GAS2: variants seen among roughly 807,000 people sequenced by gnomAD.
GAS2 encodes growth arrest-specific protein 2.
Under a neutral mutation model 37.5 loss-of-function variants are expected in GAS2, and 20 were observed. The observed-to-expected ratio is 0.53, with a 90% CI of 0.37 to 0.77. The LOEUF is 0.77. Among genes scored for constraint, GAS2 ranks in the 30% least tolerant of loss-of-function variants. The pLI is 0.00. For synonymous variants in GAS2, 144 were observed against 132.2 expected, an observed-to-expected ratio of 1.09 and a Z score of -0.61; for missense variants, 336 against 373.4, an observed-to-expected ratio of 0.90 and a Z score of 0.82.
At chr11:22,642,900 C>T (rs910008709) in intron 1 of GAS2, among the ~76,000 whole-genome samples, 4 of 152,068 alleles carry the variant, frequency 2.6e-5, no homozygotes, top group Admixed American at 2.0e-4. Context: ...GTTAAAACAG[C>T]GGCAAGACCA....
At chr11:22,763,488 G>A (rs963694782) in intron 7 of GAS2, among the ~76,000 whole-genome samples, 11 of 152,208 alleles carry the variant, frequency 7.2e-5, no homozygotes, top group Middle Eastern at 3.4e-3. Context: ...GCTGTTGTGT[G>A]AAAATGTAAA....
rs138309650 is a variant in GAS2, at chr11:22,705,405, T to C, written c.267+19616T>C. 1.6e-3 allele frequency among the ~76,000 whole-genome samples: 241 copies of C among 152,222 alleles called. 2 individuals are homozygous for C. Among genetic ancestry groups the C allele is most frequent in the African/African-American group, 5.0e-3 (209 of 41,532 alleles). On this transcript the variant is annotated intron_variant, in intron 3 of 7. Coordinates refer to ENST00000454584, the MANE Select transcript of GAS2 (RefSeq NM_001143830.3). Reference sequence around the variant, plus strand: ...TGAGGCCTTCCCTGACCAACCTATATAAAGTGCCTTTCAAGAATGCTTTTC... The same window carrying C: ...TGAGGCCTTCCCTGACCAACCTATACAAAGTGCCTTTCAAGAATGCTTTTC...
At chr11:22,768,594 C>T (rs1854817272) in intron 7 of GAS2, among the ~76,000 whole-genome samples, 1 of 152,154 alleles carries the variant, frequency 6.6e-6, no homozygotes, top group South Asian at 2.1e-4. Flanking sequence ...TCCGTGGGAA[C>T]AAATTATTTG....
At chr11:22,658,112 A>G (rs796770533) in intron 1 of GAS2, among the ~76,000 whole-genome samples, 22 of 149,288 alleles carry the variant, frequency 1.5e-4, no homozygotes, top group African/African-American at 5.4e-4. Flanking sequence ...TGCAACCTCC[A>G]CCTCCCAGGT....
chr11:22,652,168 G>A (rs1390412166), intron 1 of GAS2, among the ~76,000 whole-genome samples: 1 of 152,162 alleles, frequency 6.6e-6, no homozygotes. Flanking sequence ...AGGTCTGTTG[G>A]AGTACCCGGC....
At chr11:22,677,177 C>A (rs4444081) in intron 2 of GAS2, among the ~76,000 whole-genome samples, 7 of 151,642 alleles carry the variant, frequency 4.6e-5, no homozygotes, top group Non-Finnish European at 8.8e-5. Flanking sequence ...AAAATGTAAA[C>A]TGAGGTGGGA....
At chr11:22,677,361 A>T (rs1849477715) in intron 2 of GAS2, among the ~76,000 whole-genome samples, 1 of 152,166 alleles carries the variant, frequency 6.6e-6, no homozygotes, top group Non-Finnish European at 1.5e-5. Context: ...AAATGAAGCA[A>T]GTCTAGTTTC....
At chr11:22,735,950 T>C (rs893797853) in intron 4 of GAS2, among the ~76,000 whole-genome samples, 1 of 151,110 alleles carries the variant, frequency 6.6e-6, no homozygotes, top group East Asian at 1.9e-4. Context: ...AGTTTTTACA[T>C]ACTTCTTTCT....
chr11:22,638,951 C>T (rs1057305404), intron 1 of GAS2, among the ~76,000 whole-genome samples: 2 of 152,018 alleles, frequency 1.3e-5, no homozygotes, highest in Non-Finnish European at 2.9e-5. Flanking sequence ...AGTGATTATA[C>T]TGATCCCAAC....
At chr11:22,630,222 G>C (rs1858725389) in intron 1 of GAS2, among the ~76,000 whole-genome samples, 1 of 152,010 alleles carries the variant, frequency 6.6e-6, no homozygotes, top group African/African-American at 2.4e-5. Flanking sequence ...AACAGGCCCT[G>C]GTGTGTGATG....
chr11:22,740,419 C>A (rs1853010969), intron 5 of GAS2, among the ~76,000 whole-genome samples: 1 of 152,064 alleles, frequency 6.6e-6, no homozygotes, highest in Non-Finnish European at 1.5e-5. Context: ...GGCCTTTTAT[C>A]TTCTTGACTC....
At chr11:22,768,086 T>C (rs1454955212) in intron 7 of GAS2, among the ~76,000 whole-genome samples, 1 of 152,210 alleles carries the variant, frequency 6.6e-6, no homozygotes, top group East Asian at 1.9e-4. Context: ...ACATTTTCAT[T>C]TGAAGGCTGG....
intron 1 of GAS2, among the ~76,000 whole-genome samples, chr11:22,644,763 A>T (rs1226784798): frequency 6.6e-6 from 1 of 152,068 alleles, no homozygotes; most frequent in Non-Finnish European, 1.5e-5. Flanking sequence ...CTGGGACTAT[A>T]GGCATGCACC....
intron 1 of GAS2, among the ~76,000 whole-genome samples, chr11:22,630,579 T>C (rs1021624845): frequency 6.6e-6 from 1 of 152,206 alleles, no homozygotes; most frequent in African/African-American, 2.4e-5. Flanking sequence ...ATCCAGAATC[T>C]ACAAAGAACT....
chr11:22,767,646 A>T (rs954036823), intron 7 of GAS2, among the ~76,000 whole-genome samples: 1 of 152,166 alleles, frequency 6.6e-6, no homozygotes, highest in Non-Finnish European at 1.5e-5. Context: ...AAAGAAAAAA[A>T]CCTGTGAAAT....
intron 1 of GAS2, among the ~76,000 whole-genome samples, chr11:22,656,660 T>G (rs991589039): frequency 6.6e-5 from 10 of 152,168 alleles, no homozygotes; most frequent in Non-Finnish European, 1.3e-4. Flanking sequence ...ACTTTATTAA[T>G]AAACTATAAG....
chr11:22,670,655 A>G (rs1849163096), intron 1 of GAS2, among the ~76,000 whole-genome samples: 2 of 152,146 alleles, frequency 1.3e-5, no homozygotes, highest in Non-Finnish European at 2.9e-5. Context: ...TATGCCAAGC[A>G]TTGGCACAAA....
At chr11:22,785,121 GGAT>G (rs1483587595) in intron 7 of GAS2, among the ~76,000 whole-genome samples, 21 of 152,058 alleles carry the variant, frequency 1.4e-4, no homozygotes, top group Admixed American at 1.4e-3. Context: ...TGTGAGTCGT[GGAT>G]GTTTTGTCAT....
chr11:22,629,328 A>G (rs533362154), intron 1 of GAS2, among the ~76,000 whole-genome samples: 2 of 152,250 alleles, frequency 1.3e-5, no homozygotes, highest in South Asian at 4.1e-4. Context: ...CCGTGCCAGC[A>G]TCTATTGTTT....
Sources: gnomAD v4.1 joint callset for allele counts (sites outside exome capture counted in the v4.1 genomes callset) on GRCh38, gnomAD v4.1.1 for gene constraint, MANE v1.5 for transcripts, NCBI Gene and HGNC (gene_info 2026-07-23, HGNC 2026-07-21) for gene names.